Variants in VPS13B observed in about 807,000 individuals in gnomAD.
VPS13B encodes the protein vacuolar protein sorting 13 homolog B.
Under a neutral mutation model 426.4 loss-of-function variants are expected in VPS13B, and 285 were observed. That is an observed-to-expected ratio of 0.67 (90% CI 0.61 to 0.74). VPS13B has a LOEUF of 0.74. Among genes scored for constraint, VPS13B ranks in the 30% least tolerant of loss-of-function variants. The pLI, the probability that VPS13B is intolerant of heterozygous loss-of-function variation, is 0.00. For synonymous variants in VPS13B, 1,676 were observed against 1,676.4 expected (o/e 1.00, Z 0.01); for missense variants, 4,537 against 4,782.6 (o/e 0.95, Z 1.51).
At chr8:99,456,320 C>A (rs535679849) in intron 23 of VPS13B, among the ~76,000 whole-genome samples, 41 of 151,996 alleles carry the variant, frequency 2.7e-4, no homozygotes, top group Non-Finnish European at 4.7e-4. Flanking sequence ...AGGCGTGCAC[C>A]ACTATGCCCA....
At chr8:99,309,986 CT>C (rs1313110177) in intron 19 of VPS13B, among the ~76,000 whole-genome samples, 8 of 152,122 alleles carry the variant, frequency 5.3e-5, no homozygotes, top group African/African-American at 1.9e-4. Flanking sequence ...CTCTGTTTGT[CT>C]GTTATTGGTG....
At chr8:99,786,351 T>C (rs1226821225) in intron 43 of VPS13B, among the ~76,000 whole-genome samples, 1 of 152,154 alleles carries the variant, frequency 6.6e-6, no homozygotes, top group Non-Finnish European at 1.5e-5. Flanking sequence ...AAATGTTAAG[T>C]TAGGTAGTGG....
intron 44 of VPS13B, among the ~76,000 whole-genome samples, chr8:99,815,170 G>A (rs953322513): frequency 1.0e-4 from 15 of 148,694 alleles, no homozygotes; most frequent in East Asian, 8.1e-4. Context: ...AAATTGACTC[G>A]TGATTATGAA....
At chr8:99,633,862 C>T (rs866417746) in intron 33 of VPS13B, among the ~76,000 whole-genome samples, 2 of 142,282 alleles carry the variant, frequency 1.4e-5, no homozygotes, top group Non-Finnish European at 3.0e-5. Context: ...GAATTCATTA[C>T]AAAAAGCAAA....
At chr8:99,225,935 CA>C (rs1448253695) in intron 17 of VPS13B, among the ~76,000 whole-genome samples, 1 of 152,060 alleles carries the variant, frequency 6.6e-6, no homozygotes, top group East Asian at 1.9e-4. Context: ...CTTTCTTCTT[CA>C]AGCCTCTTTC....
At chr8:99,544,046 A>G (rs1449833879) in intron 30 of VPS13B, among the ~76,000 whole-genome samples, 1 of 146,958 alleles carries the variant, frequency 6.8e-6, no homozygotes, top group Non-Finnish European at 1.5e-5. Flanking sequence ...CACAATAGCA[A>G]AGACTTGGAA....
intron 51 of VPS13B, among the ~76,000 whole-genome samples, chr8:99,824,594 C>CTT (rs1258976722): frequency 7.1e-6 from 1 of 140,000 alleles, no homozygotes; most frequent in African/African-American, 2.6e-5. Flanking sequence ...GATGTTTTCC[C>CTT]TTTTTTTTTT....
rs563399522 is a variant in VPS13B, at chr8:99,114,871, T to C, written c.763-829T>C. On this transcript the variant is annotated intron_variant, in intron 6 of 61. Transcript: ENST00000357162. ...TAAGAGACTTGACTTTATGGCATAA[T>C]TGGTTTTACTCCGTGTTTAGATAAC... is the stretch of plus-strand genomic sequence containing the variant. Among the ~76,000 whole-genome samples the C allele has an allele frequency of 3.3e-5, 5 of 152,314 alleles. No homozygotes were observed. The East Asian group carries it at 9.6e-4, about 29-fold the overall frequency.
At chr8:99,619,852 G>A (rs982017984) in intron 33 of VPS13B, among the ~76,000 whole-genome samples, 4 of 150,856 alleles carry the variant, frequency 2.7e-5, no homozygotes, top group African/African-American at 9.8e-5. Context: ...TCCAGCCTGG[G>A]TGACAGAGCA....
chr8:99,244,770 C>T (rs1817123113), intron 17 of VPS13B, among the ~76,000 whole-genome samples: 1 of 152,126 alleles, frequency 6.6e-6, no homozygotes, highest in African/African-American at 2.4e-5. Context: ...TATTTCTCAT[C>T]AGTATTAGTC....
intron 19 of VPS13B, among the ~76,000 whole-genome samples, chr8:99,301,299 CTTT>C (rs772725181): frequency 2.8e-5 from 4 of 141,716 alleles, no homozygotes; most frequent in African/African-American, 2.6e-5. Flanking sequence ...TTCTTTCTTT[CTTT>C]TTTTTTTTTT....
chr8:99,390,992 T>C (rs935288953), intron 20 of VPS13B, among the ~76,000 whole-genome samples: 1 of 152,188 alleles, frequency 6.6e-6, no homozygotes, highest in African/African-American at 2.4e-5. Flanking sequence ...TTTCTGAATA[T>C]GCTATGGATA....
At chr8:99,180,354 A>G (rs577635755) in intron 16 of VPS13B, among the ~76,000 whole-genome samples, 1 of 152,302 alleles carries the variant, frequency 6.6e-6, no homozygotes, top group South Asian at 2.1e-4. Context: ...TATTGGGTCC[A>G]TGGTATAATT....
At position 99,577,474 on chromosome 8, in the gene VPS13B, A is replaced by T. The variant is rs774648821; in HGVS notation, c.5077-16A>T. On this transcript the variant is annotated splice_polypyrimidine_tract_variant and intron_variant, in intron 32 of 61. Transcript: ENST00000357162. ...TATCATGTTTCTTTATCTGTATTCT[A>T]CCGTTTTTGCTTCAGGAGATTTTAG... The T allele has an allele frequency of 6.2e-7, 1 of 1,613,544 alleles. No homozygotes were observed. Among genetic ancestry groups the T allele is most frequent in the Non-Finnish European group, 8.5e-7 (1 of 1,179,532 alleles).
chr8:99,485,778 G>A lies in VPS13B; in HGVS notation c.3870+3976G>A, dbSNP rs1228012810. On this transcript the variant is annotated intron_variant, in intron 25 of 61. Coordinates refer to ENST00000357162, the MANE Select transcript of VPS13B (RefSeq NM_152564.5). ...AGGACTTCTAGAGCTTTCCAGGAAT[G>A]CTATGTTCAAAGAAGCATAAAGGCT... 2.6e-5 allele frequency among the ~76,000 whole-genome samples: 4 copies of A among 152,152 alleles called. No homozygotes were observed. The East Asian group carries it at 7.7e-4, about 29-fold the overall frequency.
At chr8:99,625,193 A>G (rs1828558878) in intron 33 of VPS13B, among the ~76,000 whole-genome samples, 1 of 152,170 alleles carries the variant, frequency 6.6e-6, no homozygotes, top group Non-Finnish European at 1.5e-5. Flanking sequence ...CTGCTAGGGT[A>G]ACTATGTATA....
intron 40 of VPS13B, among the ~76,000 whole-genome samples, chr8:99,772,872 G>A (rs1451714163): frequency 6.6e-6 from 1 of 152,166 alleles, no homozygotes; most frequent in African/African-American, 2.4e-5. Flanking sequence ...ACTCTCACGG[G>A]ATGGACAGAG....
Position 99,875,755 on chromosome 8 carries a change from T to C in VPS13B, c.*89T>C. The stretch of plus-strand genomic sequence containing the variant: ...TCTCACTGCATTGCCCTTGCTGACC[T>C]CAAATTCTGGGGTTCAAGCAATCCT... On this transcript the variant is annotated 3_prime_UTR_variant, in exon 62 of 62. Coordinates refer to ENST00000357162, the MANE Select transcript of VPS13B (RefSeq NM_152564.5). 6.4e-7 allele frequency: 1 copy of C among 1,556,754 alleles called. No homozygotes were observed. The highest frequency in any genetic ancestry group is 1.1e-5 in the South Asian group (1 of 88,200).
At chr8:99,852,091 C>A (rs1215288388) in intron 55 of VPS13B, among the ~76,000 whole-genome samples, 1 of 152,072 alleles carries the variant, frequency 6.6e-6, no homozygotes, top group African/African-American at 2.4e-5. Context: ...TGAGTAATGG[C>A]TAAAAATAGA....
Sources: allele counts gnomAD v4.1 joint callset (sites outside exome capture counted in the v4.1 genomes callset), GRCh38; gene constraint gnomAD v4.1.1; transcripts MANE v1.5; gene names NCBI Gene and HGNC (gene_info 2026-07-23, HGNC 2026-07-21).